Variants in SCLT1 observed in about 807,000 individuals in gnomAD.
The protein encoded by SCLT1 is sodium channel-associated protein 1.
Under a neutral mutation model 112.8 loss-of-function variants are expected in SCLT1, and 78 were observed. The ratio of observed to expected loss-of-function variants is 0.69; its 90% CI spans 0.58 to 0.83. SCLT1 has a LOEUF of 0.83. SCLT1 is among the 40% of genes least tolerant of loss of function. SCLT1 has a pLI of 0.00. For synonymous variants in SCLT1, 257 were observed against 254.7 expected, an observed-to-expected ratio of 1.01 and a Z score of -0.09; for missense variants, 747 against 770.4, an observed-to-expected ratio of 0.97 and a Z score of 0.36.
intron 9 of SCLT1, among the ~76,000 whole-genome samples, chr4:128,988,996 T>A (rs1458066051): frequency 6.6e-6 from 1 of 151,866 alleles, no homozygotes; most frequent in Non-Finnish European, 1.5e-5. Context: ...ATATTAGAAC[T>A]AAAGATAAAG....
intron 18 of SCLT1, among the ~76,000 whole-genome samples, chr4:128,933,177 A>C (rs2125978253): frequency 6.6e-6 from 1 of 152,266 alleles, no homozygotes; most frequent in Middle Eastern, 3.4e-3. Context: ...GAGGCTTCAC[A>C]CTAGGGCTAT....
intron 5 of SCLT1, among the ~76,000 whole-genome samples, chr4:129,024,300 A>C (rs1022788765): frequency 5.9e-5 from 9 of 152,214 alleles, no homozygotes; most frequent in Admixed American, 3.9e-4. Context: ...GGCACCCCCA[A>C]GTAGGGGCAG....
intron 8 of SCLT1, among the ~76,000 whole-genome samples, chr4:128,995,106 G>A (rs948739985): frequency 6.6e-6 from 1 of 152,104 alleles, no homozygotes; most frequent in African/African-American, 2.4e-5. Flanking sequence ...CAAGACCGAT[G>A]CCATGGAGAT....
chr4:129,039,195 T>C (rs1747455500), intron 4 of SCLT1, 99 bp from the exon 5 acceptor site: 1 of 704,650 alleles, frequency 1.4e-6, no homozygotes, highest in Admixed American at 2.6e-5. Flanking sequence ...GACACTAGTT[T>C]ACAGATAAGA....
chr4:128,962,919 T>C (rs1465171149), intron 11 of SCLT1, among the ~76,000 whole-genome samples: 1 of 152,250 alleles, frequency 6.6e-6, no homozygotes, highest in African/African-American at 2.4e-5. Context: ...CAAGCTCTCA[T>C]ATACATATAT....
chr4:128,983,194 T>C (rs1741816730), intron 9 of SCLT1, among the ~76,000 whole-genome samples: 1 of 152,196 alleles, frequency 6.6e-6, no homozygotes. Context: ...GGCCACTACT[T>C]AGTCTTTATA....
intron 5 of SCLT1, among the ~76,000 whole-genome samples, chr4:129,007,629 G>A (rs1365061001): frequency 6.6e-6 from 1 of 151,404 alleles, no homozygotes; most frequent in Non-Finnish European, 1.5e-5. Flanking sequence ...TGTATTTTAC[G>A]AATCTCCTTG....
At chr4:129,038,261 C>G (rs1050034551) in intron 5 of SCLT1, 20 of 153,702 alleles carry the variant, frequency 1.3e-4, no homozygotes, top group African/African-American at 4.8e-4. Context: ...AGATATAGAT[C>G]AATATAAACT....
downstream of SCLT1, among the ~76,000 whole-genome samples, chr4:128,883,288 G>A (rs956349836): frequency 1.3e-5 from 2 of 151,922 alleles, no homozygotes; most frequent in Admixed American, 6.6e-5. Flanking sequence ...TAGTGTGGGA[G>A]GAAGCTGAAG....
chr4:128,970,440 C>A lies in SCLT1; in HGVS notation c.715G>T (p.Val239Leu). 1 of 1,604,680 alleles carries A rather than the reference C, an allele frequency of 6.2e-7. No homozygotes were observed. Among genetic ancestry groups the A allele is most frequent in the Non-Finnish European group, 8.5e-7 (1 of 1,172,156 alleles). Residue 239 changes from valine to leucine, a missense_variant, in exon 10 of 21, where the codon GTA (valine) becomes TTA (leucine). By Grantham distance (32) the Val-to-Leu change is conservative. Around this residue, in one of 2 missense-constraint regions of SCLT1, gnomAD observed 723 missense variants for 721.3 expected, o/e 1.00. Transcript: ENST00000281142. ...TTAGTTAACTCTTCCACTTTTGCTA[C>A]AGCAACTCTCAGCTCTAATTTGGCT... ...RQAKLELRVA[V>L]AKVEELTNVT...
At chr4:128,950,432 T>C (rs1048733094) in intron 14 of SCLT1, among the ~76,000 whole-genome samples, 7 of 152,186 alleles carry the variant, frequency 4.6e-5, no homozygotes, top group Non-Finnish European at 1.0e-4. Context: ...AGAATTACCA[T>C]ACTAATTCTA....
chr4:128,968,798 A>T (rs962966656), intron 10 of SCLT1, among the ~76,000 whole-genome samples: 2 of 152,214 alleles, frequency 1.3e-5, no homozygotes, highest in Non-Finnish European at 2.9e-5. Context: ...AGCAGCTGAT[A>T]TCTGTAATTA....
intron 10 of SCLT1, among the ~76,000 whole-genome samples, chr4:128,965,972 C>A (rs1314000792): frequency 3.3e-5 from 5 of 150,960 alleles, no homozygotes; most frequent in Non-Finnish European, 7.4e-5. Flanking sequence ...GCTGGGATTA[C>A]AGGCACCTGC....
intron 5 of SCLT1, among the ~76,000 whole-genome samples, chr4:129,006,310 T>G (rs1017053621): frequency 6.6e-6 from 1 of 152,026 alleles, no homozygotes; most frequent in Non-Finnish European, 1.5e-5. Context: ...TAGGCCGAAG[T>G]GGGTGGATCA....
chr4:129,029,733 G>C (rs1222254799), intron 5 of SCLT1, among the ~76,000 whole-genome samples: 2 of 151,884 alleles, frequency 1.3e-5, no homozygotes, highest in Non-Finnish European at 2.9e-5. Context: ...ATTACATAAT[G>C]GTAAATGGAT....
chr4:129,015,162 C>T (rs1405797465), intron 5 of SCLT1, among the ~76,000 whole-genome samples: 2 of 152,112 alleles, frequency 1.3e-5, no homozygotes, highest in African/African-American at 4.8e-5. Flanking sequence ...GGGGAGTGGA[C>T]TACACTCCCA....
chr4:129,093,157 C>CA lies in SCLT1; in HGVS notation c.-55dup, dbSNP rs1753006999. 2 of 1,561,788 alleles carry CA rather than the reference C, an allele frequency of 1.3e-6. No individual in the cohort carries two copies. The highest frequency in any genetic ancestry group is 4.5e-5 in the East Asian group (2 of 44,640). On this transcript the variant is annotated 5_prime_UTR_variant, in exon 1 of 21. Coordinates refer to ENST00000281142, the MANE Select transcript of SCLT1 (RefSeq NM_144643.4). ...ACCACCTTTACCTTCCTCTGAAAGACAGAGAGCTTGCTGTGCGGGAAAACA... is the reference window on the plus strand; with the variant it reads ...ACCACCTTTACCTTCCTCTGAAAGACAAGAGAGCTTGCTGTGCGGGAAAACA...
Position 128,992,198 on chromosome 4 carries a change from C to T in SCLT1, c.655G>A (p.Val219Met). The change falls in exon 9 of 21, where the codon GTG (valine) becomes ATG (methionine). Residue 219 changes from valine (V) to methionine (M), a missense_variant. Physicochemically the swap from Val to Met is conservative, Grantham distance 21 (BLOSUM62 1). Transcript: ENST00000281142. ...TTTTTTCGGAGTTGTTCGATTATCA[C>T]ACTTTGTTCAGTTACTGTTTTCAGA... ...QFLKTVTEQS[V>M]IIEQLRKKLR... is the part of the protein sequence containing the mutation. The T allele has an allele frequency of 6.2e-7, 1 of 1,601,042 alleles. No individual in the cohort carries two copies. The highest frequency in any genetic ancestry group is 8.5e-7 in the Non-Finnish European group (1 of 1,172,518).
At chr4:128,928,743 A>T (rs1481106230) in intron 18 of SCLT1, among the ~76,000 whole-genome samples, 3 of 152,108 alleles carry the variant, frequency 2.0e-5, no homozygotes, top group African/African-American at 7.2e-5. Context: ...GAGGCAGGAG[A>T]ATCACTTGAA....
Sources: gnomAD v4.1 joint callset for allele counts (sites outside exome capture counted in the v4.1 genomes callset) on GRCh38, gnomAD v4.1.1 for gene constraint, gnomAD v4.1.1 regional missense constraint, MANE v1.5 for transcripts, NCBI Gene and HGNC (gene_info 2026-07-23, HGNC 2026-07-21) for gene names.